Variants in NKD1 observed in about 807,000 individuals in gnomAD.
The protein encoded by NKD1 is NKD inhibitor of Wnt signaling pathway 1.
A neutral mutation model predicts 56.0 loss-of-function variants in NKD1; 21 were observed. That is an observed-to-expected ratio of 0.38 (90% CI 0.27 to 0.54). The LOEUF is 0.54. NKD1 is among the 20% of genes least tolerant of loss of function. The pLI, the probability that NKD1 is intolerant of heterozygous loss-of-function variation, is 0.82. For synonymous variants in NKD1, 263 were observed against 265.7 expected, an observed-to-expected ratio of 0.99 and a Z score of 0.10; for missense variants, 578 against 642.7, an observed-to-expected ratio of 0.90 and a Z score of 1.09.
rs150587260 is a variant in NKD1, at chr16:50,597,462, G to T, written c.193-10832G>T. 9.3e-4 allele frequency among the ~76,000 whole-genome samples: 141 copies of T among 152,308 alleles called. 3 individuals carry two copies. The East Asian group carries it at 0.022, about 24-fold the overall frequency. Reference sequence around the variant, plus strand: ...TTATTATTTTTTTCAGTATAAAAGGGTTGAATGTTCTTGGTTTAAAAAGAG... The same window carrying T: ...TTATTATTTTTTTCAGTATAAAAGGTTTGAATGTTCTTGGTTTAAAAAGAG... On this transcript the variant is annotated intron_variant, in intron 3 of 9. Coordinates refer to ENST00000268459, the MANE Select transcript of NKD1 (RefSeq NM_033119.5).
At chr16:50,554,193 A>G (rs369657475) in intron 3 of NKD1, among the ~76,000 whole-genome samples, 14 of 152,170 alleles carry the variant, frequency 9.2e-5, no homozygotes, top group African/African-American at 2.9e-4. Context: ...ACATTTTTGT[A>G]GGAAACCTGG....
rs986518641 is a variant in NKD1 at position 50,641,970 on chromosome 16, T to C, written c.*8189T>C. On this transcript the variant is annotated 3_prime_UTR_variant, in exon 10 of 10. Transcript: ENST00000268459. ...CCAACTCAAAAGACTGGCTGGATTG[T>C]ACCCGGCTCAGTGACTTCCCCTCTT... 7.2e-5 allele frequency: 11 copies of C among 152,290 alleles called. No homozygotes were observed. The highest frequency in any genetic ancestry group is 2.7e-4 in the African/African-American group (11 of 41,468). 9.4% of individuals were successfully genotyped at this position (152,290 alleles called of 1,614,324 possible).
At chr16:50,578,941 A>G (rs956625225) in intron 3 of NKD1, among the ~76,000 whole-genome samples, 3 of 152,174 alleles carry the variant, frequency 2.0e-5, no homozygotes, top group Non-Finnish European at 4.4e-5. Context: ...CCTCAGCCAC[A>G]TATCACATGG....
rs1334903271 is a variant in NKD1, at chr16:50,642,264, G to C, written c.*8483G>C. On this transcript the variant is annotated 3_prime_UTR_variant, in exon 10 of 10. Transcript: ENST00000268459. ...CTGTCTGTGGATTCCCACTTCTCTG[G>C]GCTGCATCTCACTGTTCAGGCTAGA... The C allele has an allele frequency of 6.6e-6, 1 of 152,244 alleles. No homozygotes were observed. Among genetic ancestry groups the C allele is most frequent in the Non-Finnish European group, 1.5e-5 (1 of 68,090 alleles). The allele number at this position is 152,244 out of a possible 1,614,324, so 9.4% of individuals were successfully genotyped here.
In NKD1 at chr16:50,593,393, C is replaced by T. The variant is rs141739475; in HGVS notation, c.193-14901C>T. Among the ~76,000 whole-genome samples the T allele has an allele frequency of 2.5e-3, 386 of 152,302 alleles. 4 individuals carry two copies. The highest frequency in any genetic ancestry group is 2.5e-3 in the Non-Finnish European group (170 of 68,018). ...TGTCAGGACCCCTTTTGCATCCCCT[C>T]GTGGCTCTGTTTTCCTGGGTATTAG... On this transcript the variant is annotated intron_variant, in intron 3 of 9. Transcript: ENST00000268459.
At chr16:50,584,430 G>A (rs1267185602) in intron 3 of NKD1, among the ~76,000 whole-genome samples, 1 of 152,220 alleles carries the variant, frequency 6.6e-6, no homozygotes, top group Non-Finnish European at 1.5e-5. Flanking sequence ...AATGTAATCA[G>A]CCTGCCCCAG....
chr16:50,613,348 C>T (rs1961889557), intron 4 of NKD1, among the ~76,000 whole-genome samples: 1 of 152,048 alleles, frequency 6.6e-6, no homozygotes, highest in Admixed American at 6.5e-5. Flanking sequence ...GACTCTCGGG[C>T]AAGGCTCCTC....
At chr16:50,616,009 A>G (rs763755087) in intron 4 of NKD1, 4 of 448,616 alleles carry the variant, frequency 8.9e-6, no homozygotes, top group South Asian at 6.2e-5. Flanking sequence ...TATATTTGGC[A>G]GAGGCTAATA....
intron 6 of NKD1, among the ~76,000 whole-genome samples, chr16:50,627,695 C>G (rs979964034): frequency 8.5e-5 from 13 of 152,216 alleles, no homozygotes; most frequent in African/African-American, 2.9e-4. Context: ...CCTGCTCCCC[C>G]TTCAGGCGTT....
Position 50,630,947 on chromosome 16 carries a change from A to G in NKD1, c.695+37A>G. On this transcript the variant is annotated intron_variant, in intron 8 of 9. Coordinates refer to ENST00000268459, the MANE Select transcript of NKD1 (RefSeq NM_033119.5). ...TGGTGCACATGAGCATATGTTGAGC[A>G]CCAGCTGTGTACCTGCTTCTGAAGG... 3 of 1,504,882 alleles carry G rather than the reference A, an allele frequency of 2.0e-6. No individual in the cohort carries two copies. In the South Asian group the frequency reaches 3.6e-5, roughly 18 times the overall value. 93.2% of individuals were successfully genotyped at this position (1,504,882 alleles called of 1,614,324 possible).
chr16:50,579,208 G>C (rs1029679412), intron 3 of NKD1, among the ~76,000 whole-genome samples: 1 of 147,016 alleles, frequency 6.8e-6, no homozygotes, highest in Admixed American at 6.7e-5. Flanking sequence ...CGCTACACAC[G>C]CACTCTAACC....
chr16:50,599,097 C>T (rs1229568839), intron 3 of NKD1, among the ~76,000 whole-genome samples: 9 of 152,014 alleles, frequency 5.9e-5, no homozygotes, highest in East Asian at 3.9e-4. Flanking sequence ...GAAGTGGGGT[C>T]GCCTGAGGCC....
Position 50,647,823 on chromosome 16 carries a change from A to G in NKD1, c.*14042A>G, listed in dbSNP as rs1962708576. ...GTTCCTGTTGCTTAGAGTTGAAAGC[A>G]TCATAACCCATCCCAGGTGATCATA... On this transcript the variant is annotated 3_prime_UTR_variant, in exon 10 of 10. Coordinates refer to ENST00000268459, the MANE Select transcript of NKD1 (RefSeq NM_033119.5). The G allele has an allele frequency of 6.6e-6, 1 of 152,264 alleles. No individual in the cohort carries two copies. Among genetic ancestry groups the G allele is most frequent in the African/African-American group, 2.4e-5 (1 of 41,466 alleles). 9.4% of individuals were successfully genotyped at this position (152,264 alleles called of 1,614,324 possible). A position where few individuals can be genotyped will look rare whatever the true frequency, so the allele number is the denominator to read the frequency against.
intron 3 of NKD1, chr16:50,571,387 C>T: frequency 3.1e-6 from 2 of 647,824 alleles, no homozygotes; most frequent in Non-Finnish European, 3.8e-6. Flanking sequence ...AGGGTTTGTG[C>T]ACATGGAGGC....
chr16:50,548,868 C>A, intron 2 of NKD1, 119 bp downstream of exon 2: 1 of 1,175,660 alleles, frequency 8.5e-7, no homozygotes, highest in Non-Finnish European at 1.1e-6. Flanking sequence ...CAGTTCCGGC[C>A]ACCGGCCCCC....
intron 3 of NKD1, chr16:50,557,311 A>G (rs1960524482): frequency 6.6e-6 from 1 of 152,190 alleles, no homozygotes; most frequent in Non-Finnish European, 1.5e-5. Flanking sequence ...TGCTTTATCT[A>G]TCCCACGTGC....
intron 3 of NKD1, among the ~76,000 whole-genome samples, chr16:50,591,811 C>A (rs756696400): frequency 1.3e-5 from 2 of 152,198 alleles, no homozygotes; most frequent in African/African-American, 4.8e-5. Flanking sequence ...GGCTGGGGTG[C>A]GAGCCAGGGA....
In NKD1 at chr16:50,633,728, C is replaced by T. The variant is rs1289320462; in HGVS notation, c.1360C>T (p.His454Tyr). Reference protein sequence around the residue: ...QAGQPVQRHEHHHHHEHHHHY... With the variant: ...QAGQPVQRHEYHHHHEHHHHY... ...CGGGCAGCCGGTCCAGAGACATGAGCACCACCACCACCATGAACATCACCA... is the reference window on the plus strand; with the variant it reads ...CGGGCAGCCGGTCCAGAGACATGAGTACCACCACCACCATGAACATCACCA... The change falls in exon 10 of 10, where the codon CAC becomes TAC. Residue 454 changes from histidine (H) to tyrosine (Y), a missense_variant. His to Tyr is a moderately conservative substitution (Grantham distance 83). Transcript: ENST00000268459. This position sits in a 1 kb window ranked among gnomAD's most constrained non-coding sequence, Gnocchi z 4.9. 2.6e-6 allele frequency: 4 copies of T among 1,558,976 alleles called. No homozygotes were observed. The highest frequency in any genetic ancestry group is 2.7e-5 in the African/African-American group (2 of 73,610).
At chr16:50,581,459 C>T (rs561560480) in intron 3 of NKD1, among the ~76,000 whole-genome samples, 21 of 152,190 alleles carry the variant, frequency 1.4e-4, no homozygotes, top group Admixed American at 1.0e-3. Flanking sequence ...CTCATTCTCT[C>T]GGGTGCTTTC....
Sources: allele counts gnomAD v4.1 joint callset (sites outside exome capture counted in the v4.1 genomes callset), GRCh38; gene constraint gnomAD v4.1.1; non-coding constraint Gnocchi (gnomAD v3.1); transcripts MANE v1.5; gene names NCBI Gene and HGNC (gene_info 2026-07-23, HGNC 2026-07-21).